The following SH3GL2 variants were observed in gnomAD, a reference collection of about 807,000 sequenced individuals.
SH3GL2 encodes SH3 domain containing GRB2 like 2, endophilin A1, also known as endophilin-A1.
Under a neutral mutation model 46.0 loss-of-function variants are expected in SH3GL2, and 24 were observed. That is an observed-to-expected ratio of 0.52 (90% CI 0.38 to 0.73). The LOEUF (loss-of-function observed/expected upper bound fraction) is 0.73, where lower values mean the gene tolerates loss of function less well. SH3GL2 is among the 30% of genes least tolerant of loss of function. The pLI is 0.00. For synonymous variants in SH3GL2, 196 were observed against 147.1 expected (o/e 1.33, Z -2.40); for missense variants, 413 against 424.2 (o/e 0.97, Z 0.23).
rs542623887 is a variant in SH3GL2 at position 17,693,866 on chromosome 9, G to A, written c.46-53200G>A. 2.6e-5 allele frequency among the ~76,000 whole-genome samples: 4 copies of A among 152,234 alleles called. No individual in the cohort carries two copies. The South Asian group carries it at 8.3e-4, about 32-fold the overall frequency. On this transcript the variant is annotated intron_variant, in intron 1 of 8. Transcript: ENST00000380607. Reference sequence around the variant, plus strand: ...AATCGTGGTAACCACCCCTGTCTTGGTTAGAGCTTTCATGGTAATAATTTA... The same window carrying A: ...AATCGTGGTAACCACCCCTGTCTTGATTAGAGCTTTCATGGTAATAATTTA...
chr9:17,750,778 T>C (rs535673942), intron 2 of SH3GL2, among the ~76,000 whole-genome samples: 45 of 152,350 alleles, frequency 3.0e-4, no homozygotes, highest in Non-Finnish European at 5.7e-4. Context: ...TTGTGTAGTT[T>C]TTTGTTGTGT....
chr9:17,653,169 G>T (rs1006433768), intron 1 of SH3GL2, among the ~76,000 whole-genome samples: 1 of 151,972 alleles, frequency 6.6e-6, no homozygotes, highest in African/African-American at 2.4e-5. Flanking sequence ...TTTTCTATCA[G>T]GCTTATTTTC....
At chr9:17,759,376 C>T (rs1823103293) in intron 2 of SH3GL2, among the ~76,000 whole-genome samples, 1 of 152,224 alleles carries the variant, frequency 6.6e-6, no homozygotes, top group African/African-American at 2.4e-5. Flanking sequence ...GCCAGGTCCC[C>T]AGCCCCATCT....
At chr9:17,773,568 A>G (rs1823555061) in intron 3 of SH3GL2, among the ~76,000 whole-genome samples, 1 of 151,956 alleles carries the variant, frequency 6.6e-6, no homozygotes, top group Non-Finnish European at 1.5e-5. Context: ...AAAGACTATT[A>G]TTTCTCGTGA....
chr9:17,756,436 A>G (rs919889262), intron 2 of SH3GL2, among the ~76,000 whole-genome samples: 2 of 150,002 alleles, frequency 1.3e-5, no homozygotes, highest in South Asian at 2.2e-4. Context: ...TTAACTCGTC[A>G]TTTACATTAG....
chr9:17,725,451 A>G (rs1005773638), intron 1 of SH3GL2, among the ~76,000 whole-genome samples: 1 of 152,088 alleles, frequency 6.6e-6, no homozygotes, highest in African/African-American at 2.4e-5. Context: ...CAAAATCTCC[A>G]TTGTTTTTGA....
rs961609850 is a variant in SH3GL2 at position 17,768,122 on chromosome 9, A to G, written c.187+6613A>G. On this transcript the variant is annotated intron_variant, in intron 3 of 8. Coordinates refer to ENST00000380607, the MANE Select transcript of SH3GL2 (RefSeq NM_003026.5). ...CACAGTAGCTCACGCCTATAATCCC[A>G]GCACTTTGGGAGGCCGAGGTGGGCG... Among the ~76,000 whole-genome samples, 5 of 152,290 alleles carry G rather than the reference A, an allele frequency of 3.3e-5. No homozygotes were observed. In the South Asian group the frequency reaches 6.2e-4, roughly 19 times the overall value.
chr9:17,592,100 A>T (rs1191585065), intron 1 of SH3GL2, among the ~76,000 whole-genome samples: 2 of 152,184 alleles, frequency 1.3e-5, no homozygotes, highest in Non-Finnish European at 2.9e-5. Context: ...GGTGTAATAC[A>T]GTCCAAGTCC....
chr9:17,671,646 A>C (rs998752541), intron 1 of SH3GL2, among the ~76,000 whole-genome samples: 1 of 152,168 alleles, frequency 6.6e-6, no homozygotes, highest in Non-Finnish European at 1.5e-5. Flanking sequence ...AAAAAATTAT[A>C]AAAGCAAAAA....
intron 2 of SH3GL2, among the ~76,000 whole-genome samples, chr9:17,749,643 C>CCTGTTT (rs1280985155): frequency 6.6e-6 from 1 of 152,152 alleles, no homozygotes; most frequent in Non-Finnish European, 1.5e-5. Flanking sequence ...AAGCTAACTT[C>CCTGTTT]CTGTTTCTTA....
rs560554453 is a variant in SH3GL2 at position 17,586,068 on chromosome 9, T to G, written c.45+6781T>G. ...GATTGTGAGACCCTGCCAAGTCTTTTGCATTCTACCAACAAAATATTTTCA... is the reference window on the plus strand; with the variant it reads ...GATTGTGAGACCCTGCCAAGTCTTTGGCATTCTACCAACAAAATATTTTCA... On this transcript the variant is annotated intron_variant, in intron 1 of 8. Coordinates refer to ENST00000380607, the MANE Select transcript of SH3GL2 (RefSeq NM_003026.5). Among the ~76,000 whole-genome samples the G allele has an allele frequency of 2.6e-5, 4 of 152,358 alleles. No individual in the cohort carries two copies. The East Asian group carries it at 7.7e-4, about 29-fold the overall frequency.
intron 2 of SH3GL2, among the ~76,000 whole-genome samples, chr9:17,757,311 G>T (rs903687760): frequency 6.6e-6 from 1 of 152,128 alleles, no homozygotes; most frequent in Non-Finnish European, 1.5e-5. Context: ...TGACAAATGG[G>T]ATCTAATTAA....
rs867860898 is a variant in SH3GL2, at chr9:17,725,392, T to C, written c.46-21674T>C. On this transcript the variant is annotated intron_variant, in intron 1 of 8. Transcript: ENST00000380607. The stretch of plus-strand genomic sequence containing the variant: ...TTTCCTTGGTCCACCGTTTCACTTA[T>C]TGTTACTGTTATCATGAAGCTACCA... Among the ~76,000 whole-genome samples, 7 of 152,278 alleles carry C rather than the reference T, an allele frequency of 4.6e-5. No homozygotes were observed. In the East Asian group the frequency reaches 7.8e-4, roughly 17 times the overall value.
chr9:17,678,610 T>C lies in SH3GL2; in HGVS notation c.46-68456T>C, dbSNP rs541576635. Among the ~76,000 whole-genome samples, 11 of 152,356 alleles carry C rather than the reference T, an allele frequency of 7.2e-5. No homozygotes were observed. In the South Asian group the frequency reaches 1.5e-3, roughly 20 times the overall value. On this transcript the variant is annotated intron_variant, in intron 1 of 8. Coordinates refer to ENST00000380607, the MANE Select transcript of SH3GL2 (RefSeq NM_003026.5). ...TGTTCACTCTGATGGTATTTTCTTT[T>C]GCTGTGCAGAAGCTCTTTAGTTTAA...
intron 2 of SH3GL2, among the ~76,000 whole-genome samples, chr9:17,761,053 G>T (rs942765791): frequency 5.3e-5 from 8 of 152,220 alleles, no homozygotes; most frequent in Non-Finnish European, 1.2e-4. Context: ...AAGCAGAGTT[G>T]ATGCTGCATG....
chr9:17,605,221 C>T (rs1251114024), intron 1 of SH3GL2, among the ~76,000 whole-genome samples: 3 of 152,062 alleles, frequency 2.0e-5, no homozygotes, highest in Non-Finnish European at 2.9e-5. Context: ...TCAAATGATC[C>T]TCTTGTCTTG....
At chr9:17,755,393 T>C (rs1467634735) in intron 2 of SH3GL2, among the ~76,000 whole-genome samples, 2 of 152,222 alleles carry the variant, frequency 1.3e-5, no homozygotes, top group Non-Finnish European at 2.9e-5. Flanking sequence ...TTTGCCAGCA[T>C]TGTATTGAGG....
At chr9:17,743,259 A>G (rs1822580828) in intron 1 of SH3GL2, among the ~76,000 whole-genome samples, 1 of 152,192 alleles carries the variant, frequency 6.6e-6, no homozygotes, top group South Asian at 2.1e-4. Flanking sequence ...GCCTTGATAT[A>G]TTTAGCTCCT....
intron 3 of SH3GL2, among the ~76,000 whole-genome samples, chr9:17,765,665 C>T (rs1445208306): frequency 5.3e-5 from 8 of 152,310 alleles, no homozygotes; most frequent in Admixed American, 2.0e-4. Context: ...ACAGCTCCCT[C>T]GGGTCCAGCG....
Sources: gnomAD v4.1 joint callset for allele counts (sites outside exome capture counted in the v4.1 genomes callset) on GRCh38, gnomAD v4.1.1 for gene constraint, MANE v1.5 for transcripts, NCBI Gene and HGNC (gene_info 2026-07-23, HGNC 2026-07-21) for gene names.